The following ATG10 variants were observed in gnomAD, a reference collection of about 807,000 sequenced individuals.
ATG10 encodes autophagy related 10.
In ATG10, 30 loss-of-function variants were observed where a neutral mutation model predicts 32.1. That is an observed-to-expected ratio of 0.94 (90% CI 0.70 to 1.27). The LOEUF is 1.27. Ranked by LOEUF, ATG10 falls within the 50% of genes most tolerant of loss-of-function variation. The probability of loss-of-function intolerance (pLI) is 0.00; values close to 1 mark genes in which losing one functional copy is unlikely to be tolerated. For synonymous variants in ATG10, 87 were observed against 91.5 expected (o/e 0.95, Z 0.28); for missense variants, 233 against 262.3 (o/e 0.89, Z 0.77).
chr5:82,119,626 A>G (rs1478096439), intron 3 of ATG10, among the ~76,000 whole-genome samples: 2 of 151,986 alleles, frequency 1.3e-5, no homozygotes, highest in South Asian at 2.1e-4. Flanking sequence ...ATGCCCAGCT[A>G]ATTTTTATAT....
intron 5 of ATG10, among the ~76,000 whole-genome samples, chr5:82,202,584 T>C (rs1745110148): frequency 6.6e-6 from 1 of 152,164 alleles, no homozygotes; most frequent in Non-Finnish European, 1.5e-5. Flanking sequence ...CTATGTGCTC[T>C]CCAGTATTTC....
chr5:82,057,169 GC>G (rs1298766173), intron 2 of ATG10, among the ~76,000 whole-genome samples: 1 of 152,164 alleles, frequency 6.6e-6, no homozygotes, highest in Non-Finnish European at 1.5e-5. Flanking sequence ...AACCAGTGCA[GC>G]CCCCTGAGTG....
intron 3 of ATG10, among the ~76,000 whole-genome samples, chr5:82,144,698 T>G (rs1767276838): frequency 6.8e-6 from 1 of 147,110 alleles, no homozygotes; most frequent in Middle Eastern, 3.5e-3. Flanking sequence ...TCTTTTAAAT[T>G]TATTTAAGAT....
intron 2 of ATG10, among the ~76,000 whole-genome samples, chr5:82,042,863 C>T (rs1230617063): frequency 6.6e-6 from 1 of 152,166 alleles, no homozygotes; most frequent in African/African-American, 2.4e-5. Context: ...CTGCAGGATA[C>T]AGCTCCCATG....
intron 2 of ATG10, among the ~76,000 whole-genome samples, chr5:82,023,829 GC>G (rs1239188129): frequency 6.6e-6 from 1 of 152,178 alleles, no homozygotes; most frequent in African/African-American, 2.4e-5. Flanking sequence ...AACAGTCAAA[GC>G]CGTAAACCTT....
intron 2 of ATG10, among the ~76,000 whole-genome samples, chr5:82,034,971 T>C (rs772185638): frequency 6.6e-6 from 1 of 152,096 alleles, no homozygotes; most frequent in Non-Finnish European, 1.5e-5. Flanking sequence ...TAGGCTGGAG[T>C]GCAATGGTGT....
chr5:82,118,316 G>A (rs941403191), intron 3 of ATG10, among the ~76,000 whole-genome samples: 113 of 135,616 alleles, frequency 8.3e-4, no homozygotes, highest in African/African-American at 2.5e-3. Flanking sequence ...GTGTGTGTGT[G>A]TATATATATA....
At chr5:82,246,336 G>A (rs1255565594) in intron 5 of ATG10, among the ~76,000 whole-genome samples, 1 of 151,900 alleles carries the variant, frequency 6.6e-6, no homozygotes. Flanking sequence ...CTCCCAAAGT[G>A]CTGGGATTAC....
intron 3 of ATG10, among the ~76,000 whole-genome samples, chr5:82,082,264 G>A (rs1204425175): frequency 6.6e-6 from 1 of 152,068 alleles, no homozygotes; most frequent in Non-Finnish European, 1.5e-5. Flanking sequence ...AAATCAGACT[G>A]GCTTTTTTCC....
At chr5:82,160,250 A>G (rs1045316656) in intron 3 of ATG10, among the ~76,000 whole-genome samples, 1 of 152,216 alleles carries the variant, frequency 6.6e-6, no homozygotes, top group African/African-American at 2.4e-5. Context: ...CACTTCAAAA[A>G]TGTTATATAA....
At chr5:81,972,667 G>A (rs1760757628) in intron 1 of ATG10, 1 of 152,194 alleles carries the variant, frequency 6.6e-6, no homozygotes, top group South Asian at 2.1e-4. Flanking sequence ...TTAAATTACT[G>A]GGGCTTCCAG....
At chr5:82,245,983 C>T (rs1747012770) in intron 5 of ATG10, among the ~76,000 whole-genome samples, 1 of 151,804 alleles carries the variant, frequency 6.6e-6, no homozygotes, top group Admixed American at 6.6e-5. Flanking sequence ...GGATTTGCTT[C>T]ACAACAAGAA....
At chr5:82,102,429 G>A (rs1214415149) in intron 3 of ATG10, among the ~76,000 whole-genome samples, 1 of 152,080 alleles carries the variant, frequency 6.6e-6, no homozygotes, top group Non-Finnish European at 1.5e-5. Context: ...ATACATCTAG[G>A]TCTGTGCTCA....
chr5:82,144,379 T>G (rs566409996), intron 3 of ATG10, among the ~76,000 whole-genome samples: 2 of 152,106 alleles, frequency 1.3e-5, no homozygotes, highest in Non-Finnish European at 2.9e-5. Context: ...GGGTTTACTT[T>G]GCTCTTTTTA....
chr5:82,042,132 A>G (rs980753886), intron 2 of ATG10, among the ~76,000 whole-genome samples: 1 of 152,168 alleles, frequency 6.6e-6, no homozygotes, highest in African/African-American at 2.4e-5. Context: ...AAGAGGTTTA[A>G]TTGACTCACA....
chr5:82,014,524 G>A (rs1762223739), intron 2 of ATG10, among the ~76,000 whole-genome samples: 2 of 152,292 alleles, frequency 1.3e-5, no homozygotes, highest in South Asian at 4.1e-4. Flanking sequence ...TGTATTGGGT[G>A]CCTATATATT....
Position 81,982,391 on chromosome 5 carries a change from G to T in ATG10, c.-12-5168G>T, listed in dbSNP as rs1383386500. ...TGAGTCAGGAGAATCGCTTGAACTC[G>T]GGAGGTGGAGGTTGTAGTGAACCGA... is the stretch of plus-strand genomic sequence containing the variant. On this transcript the variant is annotated intron_variant, in intron 1 of 7. Coordinates refer to ENST00000282185, the MANE Select transcript of ATG10 (RefSeq NM_031482.5). 3.3e-5 allele frequency among the ~76,000 whole-genome samples: 5 copies of T among 152,086 alleles called. No individual in the cohort carries two copies. The East Asian group carries it at 9.6e-4, about 29-fold the overall frequency.
At chr5:82,039,912 G>C (rs1192503896) in intron 2 of ATG10, among the ~76,000 whole-genome samples, 1 of 152,190 alleles carries the variant, frequency 6.6e-6, no homozygotes, top group Non-Finnish European at 1.5e-5. Flanking sequence ...TCACTTGGCA[G>C]CTGGGCTGGT....
intron 3 of ATG10, among the ~76,000 whole-genome samples, chr5:82,064,853 C>T (rs1032587463): frequency 6.6e-6 from 1 of 152,082 alleles, no homozygotes; most frequent in Admixed American, 6.5e-5. Flanking sequence ...AGGTACTGCA[C>T]TAAGTGATTT....
Sources: allele counts gnomAD v4.1 joint callset (sites outside exome capture counted in the v4.1 genomes callset), GRCh38; gene constraint gnomAD v4.1.1; transcripts MANE v1.5; gene names NCBI Gene and HGNC (gene_info 2026-07-23, HGNC 2026-07-21).